Variants in PSD3 observed in about 807,000 individuals in gnomAD.
PSD3 encodes the protein pleckstrin and Sec7 domain containing 3, also known as PH and SEC7 domain-containing protein 3.
In PSD3, 49 loss-of-function variants were observed where a neutral mutation model predicts 105.5. The observed-to-expected ratio is 0.46, with a 90% CI of 0.37 to 0.59. The LOEUF is 0.59. Ranked by LOEUF, PSD3 falls within the 20% of genes least tolerant of loss-of-function variation. PSD3 has a pLI of 0.00. For synonymous variants in PSD3, 557 were observed against 457.8 expected (o/e 1.22, Z -2.77); for missense variants, 1,561 against 1,263.8 (o/e 1.24, Z -3.57).
At chr8:18,579,035 A>C (rs763567077) in intron 12 of PSD3, among the ~76,000 whole-genome samples, 2 of 151,840 alleles carry the variant, frequency 1.3e-5, no homozygotes, top group Non-Finnish European at 2.9e-5. Context: ...AAAAAGGCAA[A>C]ATGCAAACCT....
chr8:18,921,721 T>C (rs1316936132), intron 2 of PSD3, among the ~76,000 whole-genome samples: 1 of 152,200 alleles, frequency 6.6e-6, no homozygotes, highest in Non-Finnish European at 1.5e-5. Flanking sequence ...CTGGAACACA[T>C]GGGCAAAAGT....
At chr8:18,999,918 C>A (rs1826284601) in intron 1 of PSD3, 1 of 151,292 alleles carries the variant, frequency 6.6e-6, no homozygotes, top group Non-Finnish European at 1.5e-5. Flanking sequence ...GCTTTAATTC[C>A]TCTAGGCCTG....
chr8:18,528,335 C>T lies in PSD3; in HGVS notation c.*7408G>A, dbSNP rs568160016. ...TGTGGAGGCAAAGATATCGTCCGTC[C>T]GTAGTTAGAACTCAGGGTGCCAGTT... On this transcript the variant is annotated 3_prime_UTR_variant, in exon 16 of 16. Coordinates refer to ENST00000327040, the MANE Select transcript of PSD3 (RefSeq NM_015310.4). 1.3e-5 allele frequency: 2 copies of T among 152,270 alleles called. No homozygotes were observed. Among genetic ancestry groups the T allele is most frequent in the East Asian group, 1.9e-4 (1 of 5,186 alleles). 9.4% of individuals were successfully genotyped at this position (152,270 alleles called of 1,614,324 possible).
At chr8:18,705,063 G>C (rs1801807779) in intron 9 of PSD3, among the ~76,000 whole-genome samples, 1 of 152,064 alleles carries the variant, frequency 6.6e-6, no homozygotes, top group African/African-American at 2.4e-5. Context: ...CCCAGAAATA[G>C]TATGGAACAC....
At chr8:18,674,175 G>C (rs1799946007) in intron 9 of PSD3, among the ~76,000 whole-genome samples, 1 of 151,958 alleles carries the variant, frequency 6.6e-6, no homozygotes, top group African/African-American at 2.4e-5. Flanking sequence ...GGGAGGAAGG[G>C]TATGCGGCTA....
intron 8 of PSD3, among the ~76,000 whole-genome samples, chr8:18,793,370 T>TAC (rs1487962735): frequency 8.5e-5 from 5 of 58,526 alleles, no homozygotes; most frequent in African/African-American, 3.1e-4. Context: ...GGTATCAAAA[T>TAC]AGAAAAAAAA....
intron 4 of PSD3, among the ~76,000 whole-genome samples, chr8:18,851,689 G>T (rs555207209): frequency 1.3e-5 from 2 of 152,228 alleles, no homozygotes; most frequent in Non-Finnish European, 2.9e-5. Context: ...CGGAATTGCA[G>T]GGAGGGACCG....
intron 15 of PSD3, among the ~76,000 whole-genome samples, chr8:18,551,219 C>T (rs752946394): frequency 6.6e-6 from 1 of 152,080 alleles, no homozygotes; most frequent in Non-Finnish European, 1.5e-5. Flanking sequence ...AAAAATAAAC[C>T]ATCTGAGGAA....
At chr8:18,759,170 A>G (rs985139129) in intron 9 of PSD3, among the ~76,000 whole-genome samples, 2 of 151,828 alleles carry the variant, frequency 1.3e-5, no homozygotes, top group Admixed American at 1.3e-4. Flanking sequence ...TGCTAATTTC[A>G]AAGTTCATAA....
At chr8:18,693,657 T>C (rs530071386) in intron 9 of PSD3, among the ~76,000 whole-genome samples, 27 of 152,308 alleles carry the variant, frequency 1.8e-4, no homozygotes, top group African/African-American at 6.5e-4. Flanking sequence ...AGCCCCCCTG[T>C]TGCAGTTGTG....
intron 1 of PSD3, among the ~76,000 whole-genome samples, chr8:18,970,043 C>T (rs1824531390): frequency 1.8e-5 from 1 of 56,416 alleles, no homozygotes; most frequent in Non-Finnish European, 3.8e-5. Flanking sequence ...AAGAAACAAC[C>T]TCGGCCAGGT....
At chr8:18,640,138 T>G (rs1807535359) in intron 10 of PSD3, among the ~76,000 whole-genome samples, 1 of 152,150 alleles carries the variant, frequency 6.6e-6, no homozygotes, top group Admixed American at 6.5e-5. Context: ...ATTTCATGAT[T>G]GTAGAACTCC....
intron 9 of PSD3, chr8:18,762,756 A>C (rs1806646718): frequency 2.7e-6 from 1 of 370,262 alleles, no homozygotes; most frequent in Admixed American, 4.2e-5. Flanking sequence ...CAGAAGCAAA[A>C]TATTAATTAA....
At chr8:18,753,828 C>A (rs1258529179) in intron 9 of PSD3, among the ~76,000 whole-genome samples, 1 of 152,160 alleles carries the variant, frequency 6.6e-6, no homozygotes, top group East Asian at 1.9e-4. Context: ...TGATGACTCA[C>A]TAAGTACATC....
At chr8:18,735,584 C>G (rs936114076) in intron 9 of PSD3, among the ~76,000 whole-genome samples, 2 of 152,142 alleles carry the variant, frequency 1.3e-5, no homozygotes, top group South Asian at 4.1e-4. Context: ...CAGTTTTTCT[C>G]TGACAGATTT....
chr8:18,681,071 C>A (rs1407657371), intron 9 of PSD3, among the ~76,000 whole-genome samples: 1 of 152,076 alleles, frequency 6.6e-6, no homozygotes, highest in African/African-American at 2.4e-5. Flanking sequence ...CATGTAATTC[C>A]AACTCTGACA....
chr8:18,600,271 C>T (rs1804339353), intron 12 of PSD3, 93 bp downstream of exon 12: 1 of 1,152,948 alleles, frequency 8.7e-7, no homozygotes, highest in East Asian at 2.5e-5. Flanking sequence ...AAAGTGAAAC[C>T]ACAGATAAGG....
chr8:18,601,417 T>G (rs1402798944), intron 11 of PSD3, among the ~76,000 whole-genome samples: 1 of 152,210 alleles, frequency 6.6e-6, no homozygotes, highest in East Asian at 1.9e-4. Context: ...TGGTCTGTCT[T>G]TAACCTGGAT....
chr8:18,959,934 G>A (rs1419477518), intron 1 of PSD3, among the ~76,000 whole-genome samples: 2 of 152,162 alleles, frequency 1.3e-5, no homozygotes, highest in Admixed American at 6.5e-5. Context: ...GGAAACATGA[G>A]GCCAGGGAAA....
Sources: allele counts gnomAD v4.1 joint callset (sites outside exome capture counted in the v4.1 genomes callset), GRCh38; gene constraint gnomAD v4.1.1; transcripts MANE v1.5; gene names NCBI Gene and HGNC (gene_info 2026-07-23, HGNC 2026-07-21).